RANBP2: variants seen among roughly 807,000 people sequenced by gnomAD.
RANBP2 encodes RAN binding protein 2, also known as E3 SUMO-protein ligase RanBP2.
RANBP2 carries 57 observed loss-of-function variants against 303.6 expected under a neutral mutation model. That is an observed-to-expected ratio of 0.19 (90% CI 0.15 to 0.23). RANBP2 has a LOEUF of 0.23. RANBP2 is among the 10% of genes least tolerant of loss of function. The pLI, the probability that RANBP2 is intolerant of heterozygous loss-of-function variation, is 1.00. For synonymous variants in RANBP2, 1,167 were observed against 1,301.5 expected, an observed-to-expected ratio of 0.90 and a Z score of 2.23; for missense variants, 3,138 against 3,780.8, an observed-to-expected ratio of 0.83 and a Z score of 4.46.
At chr2:108,781,627 T>G (rs1678263849) in intron 26 of RANBP2, among the ~76,000 whole-genome samples, 198 bp downstream of exon 26, 1 of 152,218 alleles carries the variant, frequency 6.6e-6, no homozygotes, top group Non-Finnish European at 1.5e-5. Context: ...GGTTTGTAAA[T>G]TCTATATGTA....
the RANBP2 span, among the ~76,000 whole-genome samples, chr2:109,135,667 T>TG: frequency 7.9e-5 from 12 of 152,020 alleles, no homozygotes; most frequent in South Asian, 1.2e-3. Flanking sequence ...TGGATGTGCA[T>TG]GGGGGGGTGT....
At chr2:109,386,809 A>T in the RANBP2 span, among the ~76,000 whole-genome samples, 1 of 152,186 alleles carries the variant, frequency 6.6e-6, no homozygotes, top group Non-Finnish European at 1.5e-5. Flanking sequence ...GCTCTTAAAA[A>T]ATGACTGCAT....
chr2:108,897,166 G>A, the RANBP2 span: 20 of 1,613,878 alleles, frequency 1.2e-5, no homozygotes, highest in East Asian at 4.5e-5. Context: ...AGAGTTGTAC[G>A]TGGAGCTGAG....
At chr2:109,590,013 TA>T in the RANBP2 span, among the ~76,000 whole-genome samples, 1 of 151,108 alleles carries the variant, frequency 6.6e-6, no homozygotes, top group Admixed American at 6.6e-5. Flanking sequence ...CATAATCATA[TA>T]TATATATACA....
At chr2:108,906,383 C>T in the RANBP2 span, 21 of 1,613,938 alleles carry the variant, frequency 1.3e-5, no homozygotes, top group African/African-American at 5.3e-5. Flanking sequence ...GAAAAAGAGT[C>T]GAGAATTTTC....
At chr2:108,940,942 T>C in the RANBP2 span, among the ~76,000 whole-genome samples, 4 of 152,200 alleles carry the variant, frequency 2.6e-5, no homozygotes, top group African/African-American at 9.7e-5. Flanking sequence ...GAGACTTTGA[T>C]AACGTATATA....
the RANBP2 span, among the ~76,000 whole-genome samples, chr2:109,435,173 C>T: frequency 6.6e-6 from 1 of 152,190 alleles, no homozygotes; most frequent in African/African-American, 2.4e-5. Context: ...GAAGGAACTG[C>T]GCCCGGGTCG....
chr2:109,592,464 C>CA, the RANBP2 span, among the ~76,000 whole-genome samples: 311 of 132,666 alleles, frequency 2.3e-3, 2 homozygotes, highest in South Asian at 0.02. Flanking sequence ...AGCTCTGTCT[C>CA]AAAAAACAAA....
At chr2:109,044,286 C>T in the RANBP2 span, among the ~76,000 whole-genome samples, 31 of 151,940 alleles carry the variant, frequency 2.0e-4, no homozygotes, top group South Asian at 6.0e-3. Flanking sequence ...TTTGGGAGGC[C>T]GAGGCAGGCG....
At chr2:109,430,357 A>G in the RANBP2 span, among the ~76,000 whole-genome samples, 5 of 152,194 alleles carry the variant, frequency 3.3e-5, no homozygotes, top group African/African-American at 1.2e-4. Flanking sequence ...TTACTGATTC[A>G]CAAGCCTTCC....
At chr2:109,628,724 C>T in the RANBP2 span, among the ~76,000 whole-genome samples, 1 of 152,102 alleles carries the variant, frequency 6.6e-6, no homozygotes, top group Non-Finnish European at 1.5e-5. Flanking sequence ...CGTTGTGCTT[C>T]AAGGCACTTT....
the RANBP2 span, among the ~76,000 whole-genome samples, chr2:109,132,238 C>A: frequency 6.6e-6 from 1 of 152,056 alleles, no homozygotes; most frequent in Admixed American, 6.6e-5. Context: ...TTCTTTTGGG[C>A]CAATTAGGGT....
chr2:108,737,639 C>G (rs2149139357), intron 6 of RANBP2, among the ~76,000 whole-genome samples: 1 of 150,552 alleles, frequency 6.6e-6, no homozygotes, highest in African/African-American at 2.4e-5. Context: ...ACCTCTGCCT[C>G]CTGGGTTCAA....
At chr2:108,803,318 C>T in the RANBP2 span, among the ~76,000 whole-genome samples, 6 of 152,206 alleles carry the variant, frequency 3.9e-5, no homozygotes, top group South Asian at 2.1e-4. Flanking sequence ...CTCTCTTCTG[C>T]GGGATTCTCC....
chr2:108,972,486 G>A, the RANBP2 span, among the ~76,000 whole-genome samples: 1 of 152,228 alleles, frequency 6.6e-6, no homozygotes, highest in Non-Finnish European at 1.5e-5. Context: ...GCCCGCTGTG[G>A]GAGTGCCGGG....
chr2:109,565,828 A>G, the RANBP2 span: 1 of 1,614,108 alleles, frequency 6.2e-7, no homozygotes, highest in Admixed American at 1.7e-5. Context: ...TACCTCATCC[A>G]TACTTCCCAC....
At chr2:109,620,791 C>CTA in the RANBP2 span, among the ~76,000 whole-genome samples, 1 of 152,186 alleles carries the variant, frequency 6.6e-6, no homozygotes, top group Non-Finnish European at 1.5e-5. Context: ...CTTAAATAGT[C>CTA]TAAGTACTGT....
the RANBP2 span, among the ~76,000 whole-genome samples, chr2:109,554,638 A>T: frequency 6.6e-6 from 1 of 152,228 alleles, no homozygotes; most frequent in Non-Finnish European, 1.5e-5. Context: ...AACTCCACAC[A>T]GACAGTGGCC....
At chr2:108,728,629 A>ATGATGT (rs1694930431) in intron 1 of RANBP2, among the ~76,000 whole-genome samples, 1 of 150,794 alleles carries the variant, frequency 6.6e-6, no homozygotes. Context: ...GATGATGATG[A>ATGATGT]TGATGATGAT....
Sources: gnomAD v4.1 joint callset for allele counts (sites outside exome capture counted in the v4.1 genomes callset) on GRCh38, gnomAD v4.1.1 for gene constraint, MANE v1.5 for transcripts, NCBI Gene and HGNC (gene_info 2026-07-23, HGNC 2026-07-21) for gene names.